PTPN21: variants seen among roughly 807,000 people sequenced by gnomAD.
The protein encoded by PTPN21 is tyrosine-protein phosphatase non-receptor type 21.
In PTPN21, 77 loss-of-function variants were observed where a neutral mutation model predicts 131.8. That is an observed-to-expected ratio of 0.58 (90% CI 0.49 to 0.71). The LOEUF (loss-of-function observed/expected upper bound fraction) is 0.71. Ranked by LOEUF, PTPN21 falls within the 30% of genes least tolerant of loss-of-function variation. The pLI, the probability that PTPN21 is intolerant of heterozygous loss-of-function variation, is 0.00. For missense variants in PTPN21, 1,552 were observed against 1,527.1 expected (o/e 1.02, Z -0.27); for synonymous variants, 715 against 621.3 (o/e 1.15, Z -2.24).
chr14:88,516,369 TAGCA>T (rs2078269933), intron 3 of PTPN21, among the ~76,000 whole-genome samples: 2 of 152,074 alleles, frequency 1.3e-5, no homozygotes. Context: ...GCCCTTGAAG[TAGCA>T]CAGCTACTTC....
intron 2 of PTPN21, among the ~76,000 whole-genome samples, chr14:88,546,013 AAAAG>A (rs1281359996): frequency 6.6e-6 from 1 of 151,846 alleles, no homozygotes; most frequent in African/African-American, 2.4e-5. Flanking sequence ...AAAAAAAAAA[AAAAG>A]AAGTTACTTT....
In PTPN21 at chr14:88,479,985, G is replaced by C; in HGVS notation, c.1446C>G (p.Ala482=). The C allele has an allele frequency of 6.2e-7, 1 of 1,611,384 alleles. No individual in the cohort carries two copies. Among genetic ancestry groups the C allele is most frequent in the South Asian group, 1.1e-5 (1 of 91,090 alleles). The stretch of plus-strand genomic sequence containing the variant: ...AGACCAGCGCCGCGGGCCTGCTGTA[G>C]GCGTACGAGCTGCCGATGTTGAGGT... ...LRNLNIGSSY[A]YSRPAALVYS... The change falls in exon 13 of 19, where the codon GCC becomes GCG. Residue 482 remains alanine, a synonymous_variant. Transcript: ENST00000556564.
chr14:88,546,481 C>T (rs536909108), intron 2 of PTPN21, among the ~76,000 whole-genome samples: 55 of 149,684 alleles, frequency 3.7e-4, no homozygotes, highest in Non-Finnish European at 6.8e-4. Context: ...GAGGCTAAGG[C>T]AGGAGAATCG....
intron 2 of PTPN21, among the ~76,000 whole-genome samples, chr14:88,527,200 G>A (rs1362569415): frequency 6.6e-6 from 1 of 152,178 alleles, no homozygotes; most frequent in Non-Finnish European, 1.5e-5. Flanking sequence ...TCAAATGGTA[G>A]TTCTACTTTT....
intron 2 of PTPN21, among the ~76,000 whole-genome samples, chr14:88,547,186 C>A (rs1282813461): frequency 1.3e-5 from 2 of 151,918 alleles, no homozygotes; most frequent in African/African-American, 4.8e-5. Context: ...ACATTCCACA[C>A]CTGGTATAAA....
chr14:88,501,247 C>G, intron 7 of PTPN21, 34 bp downstream of exon 7: 2 of 1,547,208 alleles, frequency 1.3e-6, no homozygotes, highest in Non-Finnish European at 1.8e-6. Context: ...GTAAGCCTAA[C>G]TTTAAAGAGC....
At chr14:88,518,858 T>C (rs777672964) in intron 2 of PTPN21, among the ~76,000 whole-genome samples, 27 of 152,132 alleles carry the variant, frequency 1.8e-4, no homozygotes, top group Non-Finnish European at 3.4e-4. Context: ...TTCATGTAAG[T>C]ACCATTTCTA....
Position 88,469,465 on chromosome 14 carries a change from C to CA in PTPN21, c.3235+33dup. On this transcript the variant is annotated intron_variant, in intron 17 of 18. Coordinates refer to ENST00000556564, the MANE Select transcript of PTPN21 (RefSeq NM_007039.4). The surrounding 1 kb of genome is among the most constrained non-coding windows in gnomAD (Gnocchi z 4.3). ...CCTCTCTGTTTAACACCTCCAGAGG[C>CA]AGCTGTCCTCGGAACAAAGTTAAAG... 6.6e-7 allele frequency: 1 copy of CA among 1,523,864 alleles called. No individual in the cohort carries two copies. The highest frequency in any genetic ancestry group is 1.1e-5 in the South Asian group (1 of 89,066). The allele number at this position is 1,523,864 out of a possible 1,614,324, so 94.4% of individuals were successfully genotyped here. A position where few individuals can be genotyped will look rare whatever the true frequency, so the allele number is the denominator to read the frequency against.
chr14:88,514,465 TTTTC>T (rs1379325236), intron 3 of PTPN21, among the ~76,000 whole-genome samples: 2 of 148,714 alleles, frequency 1.3e-5, no homozygotes, highest in Non-Finnish European at 3.0e-5. Context: ...TTGTTTTCTT[TTTTC>T]TTTTTTTTTT....
intron 2 of PTPN21, among the ~76,000 whole-genome samples, chr14:88,547,099 G>A (rs2139364307): frequency 6.6e-6 from 1 of 152,088 alleles, no homozygotes; most frequent in South Asian, 2.1e-4. Context: ...TTCTAACAAG[G>A]GATGGCAATT....
At chr14:88,511,529 G>T (rs1030651632) in intron 3 of PTPN21, among the ~76,000 whole-genome samples, 1 of 151,988 alleles carries the variant, frequency 6.6e-6, no homozygotes, top group African/African-American at 2.4e-5. Context: ...AAAATTAGCC[G>T]GGCATGGTCG....
chr14:88,489,720 C>T (rs375282099), intron 10 of PTPN21, among the ~76,000 whole-genome samples: 2 of 152,294 alleles, frequency 1.3e-5, no homozygotes, highest in South Asian at 2.1e-4. Context: ...CAATGACTTA[C>T]ACCTTTTGAG....
chr14:88,479,023 GTGGTGAGGTCGGACTCCGACA>G lies in PTPN21; in HGVS notation c.2387_2407del (p.Met796_Thr802del). 6.2e-7 allele frequency: 1 copy of G among 1,606,822 alleles called. No homozygotes were observed. The highest frequency in any genetic ancestry group is 1.3e-5 in the African/African-American group (1 of 74,438). On this transcript the variant is annotated inframe_deletion, in exon 13 of 19. Coordinates refer to ENST00000556564, the MANE Select transcript of PTPN21 (RefSeq NM_007039.4). ...CCTCCGGGCTCGGTAGCGGCCTGAC[GTGGTGAGGTCGGACTCCGACA>G]TGGAGGGCATCAGCAGCCCGTCTCT...
chr14:88,479,930 G>C lies in PTPN21; in HGVS notation c.1501C>G (p.Gln501Glu). Reference protein sequence around the residue: ...YSQPEIREHAQLPSPAAAHCP... With the variant: ...YSQPEIREHAELPSPAAAHCP... The stretch of plus-strand genomic sequence containing the variant: ...TGTGCGGCCGCTGGCGAGGGGAGCT[G>C]TGCGTGCTCGCGGATCTCGGGCTGG... Residue 501 changes from glutamine to glutamate, a missense_variant, in exon 13 of 19, where the codon CAG (glutamine) becomes GAG (glutamate). This residue lies in a region of PTPN21 where 1,016 missense variants were observed against 883.5 expected (regional missense o/e 1.15). Transcript: ENST00000556564. 6.2e-7 allele frequency: 1 copy of C among 1,605,318 alleles called. No homozygotes were observed. The highest frequency in any genetic ancestry group is 1.1e-5 in the South Asian group (1 of 90,998).
chr14:88,487,033 A>G (rs2077747391), intron 10 of PTPN21, among the ~76,000 whole-genome samples: 1 of 152,044 alleles, frequency 6.6e-6, no homozygotes, highest in Non-Finnish European at 1.5e-5. Context: ...GACAAACACT[A>G]ATGTGATAAT....
chr14:88,493,919 C>T (rs558188433), intron 10 of PTPN21, among the ~76,000 whole-genome samples: 1 of 152,258 alleles, frequency 6.6e-6, no homozygotes, highest in Non-Finnish European at 1.5e-5. Context: ...TTAAGGCCGA[C>T]AGTGAGCCAG....
intron 2 of PTPN21, among the ~76,000 whole-genome samples, chr14:88,522,578 G>A (rs1008542292): frequency 4.6e-5 from 7 of 152,022 alleles, no homozygotes; most frequent in East Asian, 1.9e-4. Context: ...TTTCTCGTGC[G>A]TAACTATTGT....
chr14:88,544,289 G>A (rs1199557928), intron 2 of PTPN21, among the ~76,000 whole-genome samples: 1 of 152,034 alleles, frequency 6.6e-6, no homozygotes, highest in African/African-American at 2.4e-5. Flanking sequence ...AAGTTGCTGT[G>A]AGCCGAGATC....
intron 12 of PTPN21, among the ~76,000 whole-genome samples, chr14:88,481,233 A>T (rs1245980487): frequency 6.6e-6 from 1 of 152,196 alleles, no homozygotes; most frequent in Non-Finnish European, 1.5e-5. Context: ...GGTGATACTT[A>T]AGTAATACAC....
Sources: gnomAD v4.1 joint callset for allele counts (sites outside exome capture counted in the v4.1 genomes callset) on GRCh38, gnomAD v4.1.1 for gene constraint, gnomAD v4.1.1 regional missense constraint, Gnocchi (gnomAD v3.1) non-coding constraint, MANE v1.5 for transcripts, NCBI Gene and HGNC (gene_info 2026-07-23, HGNC 2026-07-21) for gene names.